ZNRF3: variants seen among roughly 807,000 people sequenced by gnomAD.
The protein encoded by ZNRF3 is E3 ubiquitin-protein ligase ZNRF3.
A neutral mutation model predicts 72.5 loss-of-function variants in ZNRF3; 23 were observed. The ratio of observed to expected loss-of-function variants is 0.32; its 90% CI spans 0.23 to 0.45. The LOEUF (loss-of-function observed/expected upper bound fraction) is 0.45, where lower values mean the gene tolerates loss of function less well. ZNRF3 is among the 20% of genes least tolerant of loss of function. The pLI, the probability that ZNRF3 is intolerant of heterozygous loss-of-function variation, is 1.00. For missense variants in ZNRF3, 1,169 were observed against 1,272.1 expected (o/e 0.92, Z 1.23); for synonymous variants, 610 against 545.3 (o/e 1.12, Z -1.65).
At chr22:29,039,789 A>G (rs2036927907) in intron 2 of ZNRF3, among the ~76,000 whole-genome samples, 1 of 142,376 alleles carries the variant, frequency 7.0e-6, no homozygotes, top group African/African-American at 2.7e-5. Context: ...TCTACCAAAA[A>G]AAAAAAAAAA....
In ZNRF3 at chr22:29,050,095, T is replaced by A; in HGVS notation, c.1914T>A (p.Ser638Arg). Residue 638 changes from serine (S) to arginine (R), a missense_variant, in exon 8 of 9, where the codon AGT (serine) becomes AGA (arginine). Transcript: ENST00000544604. Reference sequence around the variant, plus strand: ...CCGAGGAGCTCCCGGCGGTGCACAGTCATGGTGCTGGGCGGGGCGAGCCTT... The same window carrying A: ...CCGAGGAGCTCCCGGCGGTGCACAGACATGGTGCTGGGCGGGGCGAGCCTT... The part of the protein sequence containing the change: ...PPPEELPAVH[S>R]HGAGRGEPWP... 1 of 1,608,606 alleles carries A rather than the reference T, an allele frequency of 6.2e-7. No individual in the cohort carries two copies. The highest frequency in any genetic ancestry group is 8.5e-7 in the Non-Finnish European group (1 of 1,179,322).
chr22:28,989,738 G>A (rs573423157), intron 2 of ZNRF3, among the ~76,000 whole-genome samples: 2 of 152,286 alleles, frequency 1.3e-5, no homozygotes, highest in South Asian at 4.1e-4. Context: ...AAGCCTGTGG[G>A]AGAAGAGGGG....
chr22:28,953,254 G>A (rs2035198038), intron 1 of ZNRF3, among the ~76,000 whole-genome samples: 1 of 152,160 alleles, frequency 6.6e-6, no homozygotes, highest in African/African-American at 2.4e-5. Context: ...TTTTCAAAAC[G>A]TATCCTAGCC....
rs1385272819 is a variant in ZNRF3 at position 29,056,996 on chromosome 22, T to C, written c.*3374T>C. 1 of 152,254 alleles carries C rather than the reference T, an allele frequency of 6.6e-6. No homozygotes were observed. Among genetic ancestry groups the C allele is most frequent in the African/African-American group, 2.4e-5 (1 of 41,466 alleles). The allele number at this position is 152,254 out of a possible 1,614,324, so 9.4% of individuals were successfully genotyped here. A position where few individuals can be genotyped will look rare whatever the true frequency, so the allele number is the denominator to read the frequency against. ...ATTATTCTTTAAACAGAACTGCCTT[T>C]TTCTACTCTTTATGTAAACTCTTTC... On this transcript the variant is annotated 3_prime_UTR_variant, in exon 9 of 9. Coordinates refer to ENST00000544604, the MANE Select transcript of ZNRF3 (RefSeq NM_001206998.2).
chr22:29,021,338 A>T (rs998043151), intron 2 of ZNRF3, among the ~76,000 whole-genome samples: 3 of 152,202 alleles, frequency 2.0e-5, no homozygotes, highest in Non-Finnish European at 4.4e-5. Context: ...TAATTTTTAA[A>T]ACTGGCTTTG....
intron 1 of ZNRF3, among the ~76,000 whole-genome samples, chr22:28,931,057 G>A (rs372193477): frequency 2.0e-5 from 3 of 152,216 alleles, no homozygotes; most frequent in Admixed American, 6.5e-5. Flanking sequence ...ATGCTTTGAT[G>A]TGTATACAAA....
intron 2 of ZNRF3, among the ~76,000 whole-genome samples, chr22:29,021,294 T>C (rs898913871): frequency 6.6e-6 from 1 of 152,068 alleles, no homozygotes; most frequent in Non-Finnish European, 1.5e-5. Context: ...TTTTAGTAGA[T>C]AGCAGAAGGA....
At chr22:28,895,218 T>A (rs1326823447) in intron 1 of ZNRF3, among the ~76,000 whole-genome samples, 2 of 152,234 alleles carry the variant, frequency 1.3e-5, no homozygotes, top group South Asian at 4.1e-4. Flanking sequence ...AAGGCCCAGC[T>A]ACCCTTGATG....
intron 1 of ZNRF3, among the ~76,000 whole-genome samples, chr22:28,913,256 C>T (rs1487252437): frequency 6.6e-6 from 1 of 152,192 alleles, no homozygotes; most frequent in Non-Finnish European, 1.5e-5. Context: ...ACTGTTGATC[C>T]TAGTTTTCTC....
intron 1 of ZNRF3, among the ~76,000 whole-genome samples, chr22:28,911,895 T>G (rs1473765216): frequency 6.6e-6 from 1 of 152,148 alleles, no homozygotes; most frequent in Non-Finnish European, 1.5e-5. Flanking sequence ...ACATTTCTGG[T>G]TATTGACAGG....
chr22:28,943,394 T>C (rs944163610), intron 1 of ZNRF3, among the ~76,000 whole-genome samples: 1 of 152,206 alleles, frequency 6.6e-6, no homozygotes, highest in Non-Finnish European at 1.5e-5. Context: ...TCATGTTGGA[T>C]TATAGATGAG....
intron 1 of ZNRF3, among the ~76,000 whole-genome samples, chr22:28,895,344 A>G (rs2033971522): frequency 6.6e-6 from 1 of 152,020 alleles, no homozygotes; most frequent in Non-Finnish European, 1.5e-5. Context: ...TGGTTTCTCA[A>G]CTCTGAGACT....
intron 2 of ZNRF3, among the ~76,000 whole-genome samples, chr22:28,996,527 C>A (rs970125956): frequency 6.6e-6 from 1 of 152,040 alleles, no homozygotes; most frequent in Non-Finnish European, 1.5e-5. Context: ...GCATTATGGC[C>A]CCACTGTAAA....
intron 1 of ZNRF3, among the ~76,000 whole-genome samples, chr22:28,927,091 G>T (rs991672229): frequency 2.0e-5 from 3 of 151,318 alleles, no homozygotes; most frequent in Non-Finnish European, 4.4e-5. Flanking sequence ...CTGCAACAGA[G>T]TGAGACTTCA....
chr22:28,992,599 C>T (rs1180936349), intron 2 of ZNRF3: 3 of 152,178 alleles, frequency 2.0e-5, no homozygotes, highest in Non-Finnish European at 4.4e-5. Flanking sequence ...GTCAGCTGTA[C>T]CCTGGGGGCT....
At chr22:28,933,532 A>G (rs1486313801) in intron 1 of ZNRF3, among the ~76,000 whole-genome samples, 1 of 152,180 alleles carries the variant, frequency 6.6e-6, no homozygotes, top group Non-Finnish European at 1.5e-5. Context: ...ATCAACAATT[A>G]CTTGGAACAT....
chr22:29,005,981 C>T (rs566169366), intron 2 of ZNRF3, among the ~76,000 whole-genome samples: 1 of 151,454 alleles, frequency 6.6e-6, no homozygotes, highest in Non-Finnish European at 1.5e-5. Context: ...TTGCAGTGAG[C>T]TGAGATTGCG....
intron 1 of ZNRF3, among the ~76,000 whole-genome samples, chr22:28,965,294 A>G (rs1569263731): frequency 6.6e-6 from 1 of 152,232 alleles, no homozygotes; most frequent in Non-Finnish European, 1.5e-5. Flanking sequence ...AAAACAGAAA[A>G]TAACAGCCAC....
chr22:28,901,154 A>G lies in ZNRF3; in HGVS notation c.300+17088A>G, dbSNP rs2034095100. Among the ~76,000 whole-genome samples the G allele has an allele frequency of 2.0e-5, 3 of 152,282 alleles. 1 individual carries two copies. The highest frequency in any genetic ancestry group is 1.9e-4 in the East Asian group (1 of 5,194). ...ATAAATAATTTTTTTTTAAATGCAG[A>G]AAACATTTCCCAGTTCAACTCAAAG... is the stretch of plus-strand genomic sequence containing the variant. On this transcript the variant is annotated intron_variant, in intron 1 of 8. Transcript: ENST00000544604.
Sources: allele counts gnomAD v4.1 joint callset (sites outside exome capture counted in the v4.1 genomes callset), GRCh38; gene constraint gnomAD v4.1.1; transcripts MANE v1.5; gene names NCBI Gene and HGNC (gene_info 2026-07-23, HGNC 2026-07-21).